PIGK: variants seen among roughly 807,000 people sequenced by gnomAD.
PIGK encodes phosphatidylinositol glycan anchor biosynthesis class K.
A neutral mutation model predicts 50.6 loss-of-function variants in PIGK; 42 were observed. The observed-to-expected ratio is 0.83, with a 90% confidence interval of 0.65 to 1.07. The LOEUF (loss-of-function observed/expected upper bound fraction) is 1.07. PIGK is among the 50% of genes least tolerant of loss of function. The pLI is 0.00. For synonymous variants in PIGK, 151 were observed against 156.0 expected, an observed-to-expected ratio of 0.97 and a Z score of 0.24; for missense variants, 448 against 488.7, an observed-to-expected ratio of 0.92 and a Z score of 0.78.
At chr1:77,144,168 G>C (rs1654715852) in intron 9 of PIGK, among the ~76,000 whole-genome samples, 1 of 151,942 alleles carries the variant, frequency 6.6e-6, no homozygotes, top group Non-Finnish European at 1.5e-5. Flanking sequence ...TATAATGTCA[G>C]ATAGTAGACA....
chr1:77,126,757 T>G (rs1210427478), intron 9 of PIGK, among the ~76,000 whole-genome samples: 1 of 152,176 alleles, frequency 6.6e-6, no homozygotes, highest in Non-Finnish European at 1.5e-5. Context: ...ACTACAAATA[T>G]TAATTTCAAT....
chr1:77,092,457 C>A lies in PIGK; in HGVS notation c.1105G>T (p.Gly369Cys). Reference protein sequence around the residue: ...PKLKDWHPPGGFILGLWALII... With the variant: ...PKLKDWHPPGCFILGLWALII... Reference sequence around the variant, plus strand: ...AGTGCCCATAATCCCAGAATAAAGCCCCCAGGAGGATGCCAGTCTTTCAGC... The same window carrying A: ...AGTGCCCATAATCCCAGAATAAAGCACCCAGGAGGATGCCAGTCTTTCAGC... Residue 369 changes from glycine (G) to cysteine (C), a missense_variant, in exon 11 of 11, where the codon GGC (glycine) becomes TGC (cysteine). Transcript: ENST00000370812. 6.2e-7 allele frequency: 1 copy of A among 1,602,748 alleles called. No homozygotes were observed. The highest frequency in any genetic ancestry group is 1.3e-5 in the African/African-American group (1 of 74,448).
intron 1 of PIGK, 41 bp from the exon 2 acceptor site, chr1:77,210,530 C>A (rs1012454531): frequency 3.7e-6 from 5 of 1,337,032 alleles, no homozygotes; most frequent in Admixed American, 2.0e-5. Flanking sequence ...GGCACAATTT[C>A]TCAGAATAAA....
chr1:77,154,722 C>T, intron 8 of PIGK, 101 bp from the exon 9 acceptor site: 1 of 754,878 alleles, frequency 1.3e-6, no homozygotes. Flanking sequence ...TTTTAAAACT[C>T]TCCCAACCTA....
chr1:77,216,927 G>A (rs762322210), intron 1 of PIGK, among the ~76,000 whole-genome samples: 18 of 152,196 alleles, frequency 1.2e-4, no homozygotes, highest in Non-Finnish European at 2.6e-4. Flanking sequence ...AGACAATACA[G>A]TCATTATAAA....
intron 10 of PIGK, among the ~76,000 whole-genome samples, chr1:77,118,374 T>C (rs1355891714): frequency 6.6e-6 from 1 of 152,044 alleles, no homozygotes; most frequent in Non-Finnish European, 1.5e-5. Context: ...TGAGTAGCTA[T>C]GATTACAAGT....
intron 1 of PIGK, among the ~76,000 whole-genome samples, chr1:77,213,595 C>T (rs562037931): frequency 4.6e-5 from 7 of 151,942 alleles, no homozygotes; most frequent in Non-Finnish European, 1.0e-4. Flanking sequence ...TTGCAATAAT[C>T]GCCTACATCA....
chr1:77,142,681 A>ATT (rs1654675207), intron 9 of PIGK, among the ~76,000 whole-genome samples: 2 of 152,202 alleles, frequency 1.3e-5, no homozygotes, highest in Admixed American at 1.3e-4. Flanking sequence ...AAGTGCAAGC[A>ATT]GGGGAAAGGC....
At chr1:77,109,079 T>C (rs1653772449) in intron 10 of PIGK, among the ~76,000 whole-genome samples, 1 of 152,306 alleles carries the variant, frequency 6.6e-6, no homozygotes, top group Middle Eastern at 3.4e-3. Context: ...AATCTCTGAA[T>C]AGACCAGTAA....
At chr1:77,210,654 A>G (rs1342626367) in intron 1 of PIGK, among the ~76,000 whole-genome samples, 165 bp from the exon 2 acceptor site, 1 of 152,106 alleles carries the variant, frequency 6.6e-6, no homozygotes, top group African/African-American at 2.4e-5. Flanking sequence ...CAAAGAATCA[A>G]AAGAGCTTAT....
rs1168237847 is a variant in PIGK, at chr1:77,089,025, G to C, written c.*3349C>G. 6.6e-6 allele frequency: 1 copy of C among 151,846 alleles called. No homozygotes were observed. Among genetic ancestry groups the C allele is most frequent in the Non-Finnish European group, 1.5e-5 (1 of 67,992 alleles). The allele number at this position is 151,846 out of a possible 1,614,324, so 9.4% of individuals were successfully genotyped here. ...TAAATTTTTAATAACCAGTTTCTTG[G>C]TTACAACTTCATCTATATAAATCCC... is the stretch of plus-strand genomic sequence containing the variant. On this transcript the variant is annotated 3_prime_UTR_variant, in exon 11 of 11. Coordinates refer to ENST00000370812, the MANE Select transcript of PIGK (RefSeq NM_005482.3).
chr1:77,181,484 G>A (rs181403350), intron 3 of PIGK, among the ~76,000 whole-genome samples: 186 of 152,006 alleles, frequency 1.2e-3, no homozygotes, highest in African/African-American at 3.9e-3. Context: ...TAAACTGTTC[G>A]CTTAAAAATG....
chr1:77,149,306 C>T (rs1332125381), intron 9 of PIGK, among the ~76,000 whole-genome samples: 2 of 151,988 alleles, frequency 1.3e-5, no homozygotes, highest in Non-Finnish European at 2.9e-5. Flanking sequence ...AATTAAAAGA[C>T]ATGACTAACT....
intron 9 of PIGK, among the ~76,000 whole-genome samples, chr1:77,137,091 C>T (rs1338370808): frequency 6.6e-6 from 1 of 152,190 alleles, no homozygotes; most frequent in East Asian, 1.9e-4. Flanking sequence ...TAGGATGCAG[C>T]AAGAATAACA....
chr1:77,112,106 C>T lies in PIGK; in HGVS notation c.1071+10169G>A, dbSNP rs117305135. On this transcript the variant is annotated intron_variant, in intron 10 of 10. Coordinates refer to ENST00000370812, the MANE Select transcript of PIGK (RefSeq NM_005482.3). ...CATAATACACAAGTTACCCACCAAA[C>T]ATGACTGGTATGATAAAATGAAAGT... 1.5e-4 allele frequency among the ~76,000 whole-genome samples: 23 copies of T among 152,090 alleles called. No individual in the cohort carries two copies. In the East Asian group the frequency reaches 3.3e-3, roughly 22 times the overall value.
chr1:77,216,789 G>A (rs185030142), intron 1 of PIGK, among the ~76,000 whole-genome samples: 4 of 152,150 alleles, frequency 2.6e-5, no homozygotes, highest in East Asian at 3.9e-4. Context: ...GTGAAATTGC[G>A]GTAAGTCATT....
At chr1:77,166,685 A>G in intron 5 of PIGK, 34 bp downstream of exon 5, 1 of 1,014,364 alleles carries the variant, frequency 9.9e-7, no homozygotes, top group East Asian at 2.5e-5. Flanking sequence ...GTTTCAATAT[A>G]CTCTACTATA....
intron 9 of PIGK, among the ~76,000 whole-genome samples, chr1:77,139,270 C>T (rs991125694): frequency 3.3e-5 from 5 of 151,738 alleles, no homozygotes; most frequent in Admixed American, 3.3e-4. Flanking sequence ...CAAAGTGGAG[C>T]TTCCTCTGTT....
chr1:77,177,897 T>G (rs566963063), intron 3 of PIGK, among the ~76,000 whole-genome samples: 1 of 152,218 alleles, frequency 6.6e-6, no homozygotes, highest in Admixed American at 6.5e-5. Flanking sequence ...GTACACCCAT[T>G]TGGACCCTTA....
Sources: allele counts gnomAD v4.1 joint callset (sites outside exome capture counted in the v4.1 genomes callset), GRCh38; gene constraint gnomAD v4.1.1; transcripts MANE v1.5; gene names NCBI Gene and HGNC (gene_info 2026-07-23, HGNC 2026-07-21).